CFDP1: variants seen among roughly 807,000 people sequenced by gnomAD.
CFDP1 encodes the protein heterochromatin-stabilizing protein CFDP1.
CFDP1 carries 31 observed loss-of-function variants against 40.1 expected under a neutral mutation model. That is an observed-to-expected ratio of 0.77 (90% CI 0.58 to 1.04). CFDP1 has a LOEUF of 1.04. CFDP1 is among the 50% of genes least tolerant of loss of function. The pLI is 0.00. For synonymous variants in CFDP1, 167 were observed against 120.0 expected (o/e 1.39, Z -2.56); for missense variants, 423 against 343.4 (o/e 1.23, Z -1.83).
At chr16:75,420,172 C>T (rs2079262229) in intron 1 of CFDP1, among the ~76,000 whole-genome samples, 1 of 147,086 alleles carries the variant, frequency 6.8e-6, no homozygotes, top group South Asian at 2.2e-4. Context: ...ATTAAGTATA[C>T]TGCCACAGGG....
chr16:75,415,447 C>T (rs991228724), intron 1 of CFDP1, among the ~76,000 whole-genome samples: 3 of 152,202 alleles, frequency 2.0e-5, no homozygotes, highest in African/African-American at 4.8e-5. Context: ...AACACACTTG[C>T]ATAACCAGGG....
chr16:75,320,300 G>C (rs939218711), intron 5 of CFDP1, among the ~76,000 whole-genome samples: 3 of 152,122 alleles, frequency 2.0e-5, no homozygotes, highest in Admixed American at 6.6e-5. Flanking sequence ...CTCACACTGG[G>C]TCATAATGTA....
intron 1 of CFDP1, among the ~76,000 whole-genome samples, chr16:75,420,717 A>C (rs2079268985): frequency 6.6e-6 from 1 of 152,226 alleles, no homozygotes; most frequent in Non-Finnish European, 1.5e-5. Context: ...TAGGTTGAAA[A>C]GCGATGTGAG....
rs189146235 is a variant in CFDP1 at position 75,384,346 on chromosome 16, G to C, written c.650+10744C>G. On this transcript the variant is annotated intron_variant, in intron 5 of 6. Transcript: ENST00000283882. ...ACTGCACTCTAGCCTGGGCGACAGA[G>C]TGAGACTCCATCTCAAAAAAAAGAG... 1.2e-3 allele frequency among the ~76,000 whole-genome samples: 190 copies of C among 152,222 alleles called. 1 individual carries two copies. The highest frequency in any genetic ancestry group is 1.5e-3 in the Non-Finnish European group (102 of 68,018).
chr16:75,342,733 G>A (rs1470228959), intron 5 of CFDP1, among the ~76,000 whole-genome samples: 1 of 152,190 alleles, frequency 6.6e-6, no homozygotes, highest in Non-Finnish European at 1.5e-5. Flanking sequence ...TCTTCCTCTT[G>A]CCTTTGGAAG....
chr16:75,296,522 T>C (rs2078183547), intron 6 of CFDP1, among the ~76,000 whole-genome samples: 1 of 152,168 alleles, frequency 6.6e-6, no homozygotes, highest in Admixed American at 6.5e-5. Context: ...GTGAGAGCCA[T>C]CGGGCCCAGC....
At chr16:75,416,101 C>T (rs1284017105) in intron 1 of CFDP1, among the ~76,000 whole-genome samples, 1 of 152,178 alleles carries the variant, frequency 6.6e-6, no homozygotes, top group Admixed American at 6.5e-5. Context: ...ATCCAGCCGC[C>T]TTGGCCTCCC....
intron 5 of CFDP1, among the ~76,000 whole-genome samples, chr16:75,346,514 C>T (rs8063733): frequency 3.6e-5 from 5 of 137,054 alleles, no homozygotes; most frequent in African/African-American, 5.6e-5. Context: ...ACCTGGGAGA[C>T]GGAGCTTGCA....
chr16:75,343,330 G>A (rs760527261), intron 5 of CFDP1, among the ~76,000 whole-genome samples: 3 of 152,016 alleles, frequency 2.0e-5, no homozygotes, highest in Non-Finnish European at 2.9e-5. Context: ...TTGCTGAATA[G>A]CAGTTCCTCT....
chr16:75,318,646 C>A (rs557876774), intron 5 of CFDP1, among the ~76,000 whole-genome samples: 7 of 151,988 alleles, frequency 4.6e-5, no homozygotes, highest in Non-Finnish European at 8.8e-5. Flanking sequence ...CCTTGTGATC[C>A]GCCCGCCTTG....
chr16:75,407,191 A>AGT (rs2079108208), intron 4 of CFDP1, among the ~76,000 whole-genome samples: 1 of 152,198 alleles, frequency 6.6e-6, no homozygotes, highest in Non-Finnish European at 1.5e-5. Flanking sequence ...CGAGTGACAG[A>AGT]GTGAGTTAGC....
intron 5 of CFDP1, among the ~76,000 whole-genome samples, chr16:75,367,320 T>C (rs1478588833): frequency 6.6e-6 from 1 of 151,780 alleles, no homozygotes; most frequent in Non-Finnish European, 1.5e-5. Context: ...AGCTAATGCG[T>C]GCTGGGTTTA....
intron 5 of CFDP1, among the ~76,000 whole-genome samples, chr16:75,347,077 G>A (rs1024544551): frequency 6.6e-6 from 1 of 152,028 alleles, no homozygotes; most frequent in African/African-American, 2.4e-5. Context: ...AGGCACGGGG[G>A]GCTCACACCT....
rs774424083 is a variant in CFDP1 at position 75,395,059 on chromosome 16, G to A, written c.650+31C>T. 5.6e-6 allele frequency: 9 copies of A among 1,612,548 alleles called. No homozygotes were observed. The Admixed American group carries it at 1.3e-4, about 24-fold the overall frequency. Reference sequence around the variant, plus strand: ...ACTGAAAGCTTCTCCAACGTGCCAAGTACATCAGGGAGTGAGACTCAAATA... The same window carrying A: ...ACTGAAAGCTTCTCCAACGTGCCAAATACATCAGGGAGTGAGACTCAAATA... On this transcript the variant is annotated intron_variant, in intron 5 of 6. Transcript: ENST00000283882.
At chr16:75,298,351 C>A (rs1056088894) in intron 6 of CFDP1, among the ~76,000 whole-genome samples, 1 of 152,158 alleles carries the variant, frequency 6.6e-6, no homozygotes, top group Non-Finnish European at 1.5e-5. Flanking sequence ...AGTGCTGACC[C>A]GACGTAGTCA....
intron 1 of CFDP1, among the ~76,000 whole-genome samples, chr16:75,422,720 C>A (rs11866023): frequency 0.01 from 1,512 of 147,114 alleles, 27 homozygotes; most frequent in African/African-American, 0.031. Context: ...AAACTGTGAT[C>A]AAAAAAAAAA....
chr16:75,360,452 A>G (rs2078673536), intron 5 of CFDP1, among the ~76,000 whole-genome samples: 1 of 152,250 alleles, frequency 6.6e-6, no homozygotes, highest in Non-Finnish European at 1.5e-5. Flanking sequence ...AAGGAAACCG[A>G]AACAAAACTA....
chr16:75,333,002 T>C (rs1204682644), intron 5 of CFDP1, among the ~76,000 whole-genome samples: 2 of 151,954 alleles, frequency 1.3e-5, no homozygotes, highest in Non-Finnish European at 2.9e-5. Context: ...GAGATGGGGT[T>C]TCACCATGTT....
chr16:75,381,002 ACTAT>A (rs1482328586), intron 5 of CFDP1, among the ~76,000 whole-genome samples: 3 of 152,240 alleles, frequency 2.0e-5, no homozygotes, highest in African/African-American at 7.2e-5. Flanking sequence ...AGCATGTGAC[ACTAT>A]CTAAGCTAAA....
Sources: allele counts gnomAD v4.1 joint callset (sites outside exome capture counted in the v4.1 genomes callset), GRCh38; gene constraint gnomAD v4.1.1; transcripts MANE v1.5; gene names NCBI Gene and HGNC (gene_info 2026-07-23, HGNC 2026-07-21).